Variants in SPATA6 observed in about 807,000 individuals in gnomAD.
The protein encoded by SPATA6 is spermatogenesis associated 6.
A neutral mutation model predicts 65.3 loss-of-function variants in SPATA6; 56 were observed. The observed-to-expected ratio is 0.86, with a 90% CI of 0.69 to 1.07. SPATA6 has a LOEUF of 1.07. Among genes scored for constraint, SPATA6 ranks in the 50% least tolerant of loss-of-function variants. The pLI is 0.00. For synonymous variants in SPATA6, 199 were observed against 213.2 expected (o/e 0.93, Z 0.58); for missense variants, 590 against 594.8 (o/e 0.99, Z 0.08).
At chr1:48,453,782 C>T (rs1656786618) in intron 1 of SPATA6, among the ~76,000 whole-genome samples, 2 of 151,602 alleles carry the variant, frequency 1.3e-5, no homozygotes, top group African/African-American at 4.8e-5. Flanking sequence ...TCCTCAGTGC[C>T]TAGAACAGTC....
intron 8 of SPATA6, among the ~76,000 whole-genome samples, chr1:48,392,285 G>A (rs1650151513): frequency 6.6e-6 from 1 of 152,104 alleles, no homozygotes; most frequent in Non-Finnish European, 1.5e-5. Context: ...TCTAAGAGGA[G>A]AGACAGAGTC....
chr1:48,380,698 T>G (rs377449296), intron 9 of SPATA6, among the ~76,000 whole-genome samples: 1 of 152,200 alleles, frequency 6.6e-6, no homozygotes, highest in African/African-American at 2.4e-5. Context: ...ATAAGCAAGA[T>G]CAATAGGTCC....
At chr1:48,369,009 G>A (rs1032907710) in intron 9 of SPATA6, among the ~76,000 whole-genome samples, 4 of 152,256 alleles carry the variant, frequency 2.6e-5, no homozygotes, top group South Asian at 2.1e-4. Context: ...TTTTCCTTCT[G>A]ACAGACAGGA....
chr1:48,334,234 T>G (rs924866975), intron 11 of SPATA6, among the ~76,000 whole-genome samples: 11 of 151,786 alleles, frequency 7.2e-5, no homozygotes, highest in African/African-American at 2.7e-4. Flanking sequence ...TTACTAAAAC[T>G]ATTCCCCAAA....
At chr1:48,326,632 A>G (rs1645770012) in intron 11 of SPATA6, among the ~76,000 whole-genome samples, 3 of 152,208 alleles carry the variant, frequency 2.0e-5, no homozygotes, top group Non-Finnish European at 4.4e-5. Context: ...AAACTATAGT[A>G]ACTAAAACAG....
At chr1:48,309,185 A>G (rs1460753171) in intron 11 of SPATA6, among the ~76,000 whole-genome samples, 2 of 152,048 alleles carry the variant, frequency 1.3e-5, no homozygotes, top group Non-Finnish European at 1.5e-5. Flanking sequence ...ATTTCTCCAA[A>G]TATTCCTTCT....
At chr1:48,436,674 A>G (rs1654969254) in intron 3 of SPATA6, 1 of 1,614,084 alleles carries the variant, frequency 6.2e-7, no homozygotes, top group Admixed American at 1.7e-5. Context: ...TGAGTCCAGA[A>G]CTACTGAGAC....
At chr1:48,462,996 A>G (rs1405364602) in intron 1 of SPATA6, among the ~76,000 whole-genome samples, 1 of 152,188 alleles carries the variant, frequency 6.6e-6, no homozygotes, top group Non-Finnish European at 1.5e-5. Context: ...TCTCTCCTTG[A>G]GCTCGGACAT....
At chr1:48,418,651 G>C (rs573185032) in intron 3 of SPATA6, among the ~76,000 whole-genome samples, 1 of 151,346 alleles carries the variant, frequency 6.6e-6, no homozygotes, top group Non-Finnish European at 1.5e-5. Context: ...TTGAGCCTGG[G>C]AGGCAGAGGT....
intron 9 of SPATA6, among the ~76,000 whole-genome samples, chr1:48,376,110 T>C (rs1398984794): frequency 6.6e-6 from 1 of 152,164 alleles, no homozygotes; most frequent in Non-Finnish European, 1.5e-5. Context: ...CTATTCCTTA[T>C]CTCCTGTGTT....
intron 3 of SPATA6, among the ~76,000 whole-genome samples, chr1:48,447,118 AATATAGTATATAAT>A (rs1242395714): frequency 3.9e-5 from 6 of 152,296 alleles, no homozygotes; most frequent in African/African-American, 1.2e-4. Flanking sequence ...TTATTATAAG[AATATAGTATATAAT>A]ATAACAAAAA....
At chr1:48,417,247 TA>T (rs1431623291) in intron 3 of SPATA6, among the ~76,000 whole-genome samples, 2 of 152,194 alleles carry the variant, frequency 1.3e-5, no homozygotes, top group Non-Finnish European at 2.9e-5. Context: ...GCAAAGTTGC[TA>T]AAACAAAGAT....
At chr1:48,378,095 A>G (rs1291397777) in intron 9 of SPATA6, among the ~76,000 whole-genome samples, 1 of 152,216 alleles carries the variant, frequency 6.6e-6, no homozygotes, top group Admixed American at 6.5e-5. Flanking sequence ...ACTGTTATGT[A>G]ATTAAAAACT....
rs74519770 is a variant in SPATA6, at chr1:48,390,505, A to G, written c.868+4762T>C. ...ATACTCTGTTGTCAAAGGAGAGCAT[A>G]GTAACTATTGTTAACAACATTGTAT... On this transcript the variant is annotated intron_variant, in intron 8 of 12. Coordinates refer to ENST00000371847, the MANE Select transcript of SPATA6 (RefSeq NM_019073.4). Among the ~76,000 whole-genome samples, 1,304 of 152,320 alleles carry G rather than the reference A, an allele frequency of 8.6e-3. 22 individuals are homozygous for G. Among genetic ancestry groups the G allele is most frequent in the African/African-American group, 0.03 (1,262 of 41,564 alleles).
At chr1:48,438,170 A>C (rs893150272) in intron 3 of SPATA6, among the ~76,000 whole-genome samples, 2 of 152,130 alleles carry the variant, frequency 1.3e-5, no homozygotes, top group African/African-American at 4.8e-5. Flanking sequence ...GCCACCTTTA[A>C]GAGCTGTAAC....
intron 3 of SPATA6, among the ~76,000 whole-genome samples, chr1:48,439,539 T>A (rs766773456): frequency 6.6e-6 from 1 of 151,306 alleles, no homozygotes; most frequent in South Asian, 2.1e-4. Context: ...CAGGGACCAT[T>A]TGGGTTCTTG....
intron 9 of SPATA6, among the ~76,000 whole-genome samples, chr1:48,378,093 G>A (rs1481063746): frequency 6.6e-6 from 1 of 152,144 alleles, no homozygotes; most frequent in Non-Finnish European, 1.5e-5. Flanking sequence ...TAACTGTTAT[G>A]TAATTAAAAA....
intron 7 of SPATA6, among the ~76,000 whole-genome samples, chr1:48,395,965 T>C (rs1393543144): frequency 6.6e-6 from 1 of 151,826 alleles, no homozygotes; most frequent in Non-Finnish European, 1.5e-5. Flanking sequence ...TTACAAATCA[T>C]TTATCTGATA....
intron 9 of SPATA6, among the ~76,000 whole-genome samples, chr1:48,360,290 A>G (rs1275614583): frequency 6.6e-6 from 1 of 152,200 alleles, no homozygotes; most frequent in East Asian, 1.9e-4. Flanking sequence ...GTAAAACACA[A>G]AAACACACCA....
Sources: allele counts gnomAD v4.1 joint callset (sites outside exome capture counted in the v4.1 genomes callset), GRCh38; gene constraint gnomAD v4.1.1; transcripts MANE v1.5; gene names NCBI Gene and HGNC (gene_info 2026-07-23, HGNC 2026-07-21).